Variants in PDE4D observed in about 807,000 individuals in gnomAD.
PDE4D encodes the protein phosphodiesterase 4D, also known as 3',5'-cyclic-AMP phosphodiesterase 4D.
In PDE4D, 24 loss-of-function variants were observed where a neutral mutation model predicts 87.4. The ratio of observed to expected loss-of-function variants is 0.27; its 90% CI spans 0.20 to 0.39. PDE4D has a LOEUF of 0.39. Ranked by LOEUF, PDE4D falls within the 10% of genes least tolerant of loss-of-function variation. PDE4D has a pLI of 1.00. For missense variants in PDE4D, 714 were observed against 1,041.0 expected, an observed-to-expected ratio of 0.69 and a Z score of 4.32; for synonymous variants, 384 against 383.2, an observed-to-expected ratio of 1.00 and a Z score of -0.02.
intron 1 of PDE4D, among the ~76,000 whole-genome samples, chr5:60,480,623 G>A (rs910044572): frequency 6.6e-6 from 1 of 152,082 alleles, no homozygotes; most frequent in African/African-American, 2.4e-5. Flanking sequence ...CCATTTTCAT[G>A]ACAAAAACCA....
At chr5:60,324,605 T>C (rs915758846) in intron 1 of PDE4D, among the ~76,000 whole-genome samples, 3 of 152,188 alleles carry the variant, frequency 2.0e-5, no homozygotes, top group Non-Finnish European at 2.9e-5. Context: ...GCCACTGCAC[T>C]CCAGCATGGA....
intron 1 of PDE4D, among the ~76,000 whole-genome samples, chr5:59,784,193 C>T (rs1475271921): frequency 6.6e-6 from 1 of 151,190 alleles, no homozygotes; most frequent in East Asian, 1.9e-4. Flanking sequence ...CACAGCTCTC[C>T]AAGAGAACAA....
In PDE4D at chr5:60,193,530, C is replaced by A. The variant is rs557461410; in HGVS notation, c.-89-7843G>T. The stretch of plus-strand genomic sequence containing the variant: ...CTAAAAATACAAAAAATTAGCCGGG[C>A]GAGGTGGCGGGCGCCTGTAGTCCCA... On this transcript the variant is annotated intron_variant, in intron 1 of 16. Transcript: ENST00000502484. Among the ~76,000 whole-genome samples, 12 of 151,256 alleles carry A rather than the reference C, an allele frequency of 7.9e-5. No individual in the cohort carries two copies. The South Asian group carries it at 2.5e-3, about 32-fold the overall frequency.
intron 1 of PDE4D, among the ~76,000 whole-genome samples, chr5:60,421,370 C>T (rs37704): frequency 0.28 from 42,860 of 152,044 alleles, 6,219 homozygotes; most frequent in South Asian, 0.45. Context: ...TGCTGTTCTG[C>T]AGCCTCCACT....
intron 1 of PDE4D, among the ~76,000 whole-genome samples, chr5:60,371,551 T>C (rs529277511): frequency 6.6e-6 from 1 of 152,334 alleles, no homozygotes; most frequent in South Asian, 2.1e-4. Flanking sequence ...AAATATAATA[T>C]ATGCACAGAA....
intron 1 of PDE4D, among the ~76,000 whole-genome samples, chr5:60,493,908 A>G (rs764888143): frequency 2.6e-5 from 4 of 152,336 alleles, no homozygotes; most frequent in South Asian, 2.1e-4. Context: ...TACCACATAA[A>G]TTAGCACTAG....
At chr5:59,716,297 A>G (rs998923691) in intron 1 of PDE4D, among the ~76,000 whole-genome samples, 2 of 152,218 alleles carry the variant, frequency 1.3e-5, no homozygotes, top group Non-Finnish European at 2.9e-5. Context: ...CTGTACATAC[A>G]TCTTGCGCTC....
At chr5:59,206,000 G>A (rs758273086) in intron 2 of PDE4D, among the ~76,000 whole-genome samples, 26 of 152,010 alleles carry the variant, frequency 1.7e-4, no homozygotes, top group Non-Finnish European at 1.2e-4. Context: ...AGTTCCCTGC[G>A]TCTTAAAGAG....
rs1301075221 is a variant in PDE4D at position 58,972,088 on chromosome 5, TTGC to T, written c.*2573_*2575del. The T allele has an allele frequency of 6.6e-6, 1 of 152,598 alleles. No individual in the cohort carries two copies. Among genetic ancestry groups the T allele is most frequent in the Non-Finnish European group, 1.5e-5 (1 of 68,030 alleles). The allele number at this position is 152,598 out of a possible 1,614,324, so 9.5% of individuals were successfully genotyped here. A position where few individuals can be genotyped will look rare whatever the true frequency, so the allele number is the denominator to read the frequency against. Reference sequence around the variant, plus strand: ...CAGGTCTGGATTTGTTAATGACATATTGCTGCTTTTTATTTTATTCATTATTAA... The same window carrying T: ...CAGGTCTGGATTTGTTAATGACATATTGCTTTTTATTTTATTCATTATTAA... On this transcript the variant is annotated 3_prime_UTR_variant, in exon 15 of 15. Coordinates refer to ENST00000340635, the MANE Select transcript of PDE4D (RefSeq NM_001104631.2).
At chr5:59,097,343 T>G (rs1769920019) in intron 5 of PDE4D, among the ~76,000 whole-genome samples, 1 of 152,214 alleles carries the variant, frequency 6.6e-6, no homozygotes, top group Non-Finnish European at 1.5e-5. Flanking sequence ...CGATAGTTAT[T>G]GCATTCCAGA....
chr5:59,303,204 C>G (rs948255820), intron 1 of PDE4D, among the ~76,000 whole-genome samples: 2 of 151,982 alleles, frequency 1.3e-5, no homozygotes, highest in African/African-American at 4.8e-5. Context: ...GAATTGCCTA[C>G]TCATGCCCTT....
intron 1 of PDE4D, among the ~76,000 whole-genome samples, chr5:60,275,690 C>T (rs772940100): frequency 6.6e-6 from 1 of 151,672 alleles, no homozygotes; most frequent in Non-Finnish European, 1.5e-5. Flanking sequence ...TTTAATTTTA[C>T]CTTCTTTTTT....
At chr5:59,140,177 C>T (rs987734605) in intron 5 of PDE4D, among the ~76,000 whole-genome samples, 1 of 152,222 alleles carries the variant, frequency 6.6e-6, no homozygotes, top group African/African-American at 2.4e-5. Flanking sequence ...TAGAGGACAT[C>T]ATACTTCTCA....
At chr5:60,026,540 T>C (rs1314199075) in intron 2 of PDE4D, among the ~76,000 whole-genome samples, 2 of 152,154 alleles carry the variant, frequency 1.3e-5, no homozygotes, top group Non-Finnish European at 2.9e-5. Flanking sequence ...CGAATGTATG[T>C]GATTAGCTGT....
At chr5:59,125,752 GAC>G (rs1322689364) in intron 5 of PDE4D, among the ~76,000 whole-genome samples, 1 of 152,172 alleles carries the variant, frequency 6.6e-6, no homozygotes, top group African/African-American at 2.4e-5. Context: ...GCGAATGACA[GAC>G]ACAAGTGACA....
chr5:59,389,385 A>G (rs1247870139), intron 1 of PDE4D, among the ~76,000 whole-genome samples: 1 of 151,722 alleles, frequency 6.6e-6, no homozygotes, highest in African/African-American at 2.4e-5. Flanking sequence ...AATTATATAA[A>G]ATTTTAATAT....
chr5:60,355,778 T>C (rs1420963006), intron 1 of PDE4D, among the ~76,000 whole-genome samples: 2 of 151,814 alleles, frequency 1.3e-5, no homozygotes, highest in South Asian at 2.1e-4. Context: ...GAAAAGAAAA[T>C]ATATTTACTA....
intron 1 of PDE4D, among the ~76,000 whole-genome samples, chr5:59,593,852 G>A (rs962452421): frequency 2.6e-5 from 4 of 152,216 alleles, no homozygotes; most frequent in Non-Finnish European, 5.9e-5. Context: ...ACCTCCAGGA[G>A]TGCTACCAAG....
intron 1 of PDE4D, among the ~76,000 whole-genome samples, chr5:59,626,737 G>A (rs751079054): frequency 1.3e-5 from 2 of 152,164 alleles, no homozygotes; most frequent in Non-Finnish European, 2.9e-5. Flanking sequence ...TATGAGAATA[G>A]AGTCAATATT....
Sources: allele counts gnomAD v4.1 joint callset (sites outside exome capture counted in the v4.1 genomes callset), GRCh38; gene constraint gnomAD v4.1.1; transcripts MANE v1.5; gene names NCBI Gene and HGNC (gene_info 2026-07-23, HGNC 2026-07-21).